MARCHF8: variants seen among roughly 807,000 people sequenced by gnomAD.
MARCHF8 encodes the protein membrane associated ring-CH-type finger 8.
A neutral mutation model predicts 51.6 loss-of-function variants in MARCHF8; 40 were observed. The observed-to-expected ratio is 0.77, with a 90% CI of 0.60 to 1.01. The LOEUF is 1.01. Among genes scored for constraint, MARCHF8 ranks in the 50% least tolerant of loss-of-function variants. The pLI is 0.00. For missense variants in MARCHF8, 685 were observed against 708.6 expected (o/e 0.97, Z 0.38); for synonymous variants, 263 against 280.3 (o/e 0.94, Z 0.62).
intron 2 of MARCHF8, among the ~76,000 whole-genome samples, chr10:45,528,653 G>GA (rs2043829877): frequency 6.6e-6 from 1 of 152,060 alleles, no homozygotes; most frequent in Admixed American, 6.6e-5. Flanking sequence ...TTGTGAGGAG[G>GA]AATCAGTAGC....
chr10:45,467,976 CA>C (rs924110105), intron 3 of MARCHF8, among the ~76,000 whole-genome samples: 32 of 147,086 alleles, frequency 2.2e-4, no homozygotes, highest in South Asian at 4.3e-4. Flanking sequence ...AATCTCACTA[CA>C]AAAAAAAAAA....
intron 1 of MARCHF8, among the ~76,000 whole-genome samples, chr10:45,565,534 G>A (rs1051515910): frequency 1.3e-5 from 2 of 151,690 alleles, no homozygotes; most frequent in African/African-American, 4.9e-5. Context: ...GAAGTGGTAT[G>A]TTAATTCTAA....
intron 2 of MARCHF8, among the ~76,000 whole-genome samples, chr10:45,519,674 C>T (rs143212402): frequency 5.4e-4 from 82 of 152,288 alleles, no homozygotes; most frequent in Non-Finnish European, 9.1e-4. Flanking sequence ...TTTTCTCCAA[C>T]CATTTAAAAA....
At chr10:45,498,418 C>T (rs778252920) in intron 2 of MARCHF8, among the ~76,000 whole-genome samples, 3 of 151,920 alleles carry the variant, frequency 2.0e-5, no homozygotes, top group South Asian at 2.1e-4. Flanking sequence ...TTTCTTTTTG[C>T]GATTAGCTCA....
intron 1 of MARCHF8, among the ~76,000 whole-genome samples, chr10:45,585,832 T>C (rs944884133): frequency 2.0e-5 from 3 of 152,176 alleles, no homozygotes; most frequent in Admixed American, 6.5e-5. Context: ...GATGTGTTCA[T>C]TGAAAGGAAT....
At chr10:45,502,694 G>A (rs1036324558) in intron 2 of MARCHF8, among the ~76,000 whole-genome samples, 1 of 152,032 alleles carries the variant, frequency 6.6e-6, no homozygotes, top group Non-Finnish European at 1.5e-5. Context: ...CTAAGTATGT[G>A]GTGAAAATAT....
intron 1 of MARCHF8, among the ~76,000 whole-genome samples, chr10:45,565,326 G>C (rs1378209541): frequency 6.6e-6 from 1 of 152,068 alleles, no homozygotes; most frequent in African/African-American, 2.4e-5. Context: ...AGCTACTTAG[G>C]AAACTGAGAT....
At chr10:45,503,564 T>TAAATA (rs1263489708) in intron 2 of MARCHF8, among the ~76,000 whole-genome samples, 6 of 149,986 alleles carry the variant, frequency 4.0e-5, no homozygotes, top group African/African-American at 1.2e-4. Flanking sequence ...AATAAATAAA[T>TAAATA]AAATAAAATA....
At chr10:45,557,860 T>C (rs904126569) in intron 1 of MARCHF8, among the ~76,000 whole-genome samples, 4 of 152,164 alleles carry the variant, frequency 2.6e-5, no homozygotes, top group African/African-American at 9.6e-5. Context: ...CACAGGTGCC[T>C]TAGGTCAGGT....
At chr10:45,546,611 A>T (rs1262390462) in intron 1 of MARCHF8, among the ~76,000 whole-genome samples, 1 of 151,836 alleles carries the variant, frequency 6.6e-6, no homozygotes, top group Non-Finnish European at 1.5e-5. Context: ...GTGAGACCCC[A>T]TCTCTCCTAA....
intron 1 of MARCHF8, among the ~76,000 whole-genome samples, chr10:45,588,606 T>C (rs2044643447): frequency 6.6e-6 from 1 of 152,230 alleles, no homozygotes; most frequent in Non-Finnish European, 1.5e-5. Context: ...ATTTTAGCCA[T>C]TTTAAGTATA....
intron 1 of MARCHF8, among the ~76,000 whole-genome samples, chr10:45,581,901 A>T (rs917050899): frequency 2.6e-5 from 4 of 152,104 alleles, no homozygotes; most frequent in African/African-American, 9.7e-5. Flanking sequence ...TTAAAGGAGT[A>T]ACATTTTCAA....
At chr10:45,462,707 C>G (rs1030273055) in intron 5 of MARCHF8, among the ~76,000 whole-genome samples, 5 of 151,584 alleles carry the variant, frequency 3.3e-5, no homozygotes, top group Admixed American at 6.6e-5. Flanking sequence ...CTCACTGCAA[C>G]CTCCGCCTCC....
Position 45,458,527 on chromosome 10 carries a change from G to A in MARCHF8, c.1434C>T (p.Pro478=). 6.3e-7 allele frequency: 1 copy of A among 1,592,176 alleles called. No homozygotes were observed. Among genetic ancestry groups the A allele is most frequent in the South Asian group, 1.2e-5 (1 of 86,778 alleles). Residue 478 remains proline (P), a synonymous_variant, in exon 8 of 8, where the codon CCC becomes CCT. Coordinates refer to ENST00000453424, the MANE Select transcript of MARCHF8 (RefSeq NM_001282866.2). ...QGQATGILEW[P]FWTKLVVVAI... is the part of the protein sequence containing the mutation. ...CCACAACCACCAATTTAGTCCAAAA[G>A]GGCCATTCTAGGATTCCTGGAAGGG...
At chr10:45,518,860 G>A (rs1296411985) in intron 2 of MARCHF8, among the ~76,000 whole-genome samples, 1 of 152,176 alleles carries the variant, frequency 6.6e-6, no homozygotes, top group East Asian at 1.9e-4. Flanking sequence ...CTCTTGGCCA[G>A]AATGGCTCTA....
rs79342495 is a variant in MARCHF8, at chr10:45,581,896, G to A, written c.-79+12339C>T. Among the ~76,000 whole-genome samples the A allele has an allele frequency of 1.6e-3, 235 of 150,536 alleles. 2 individuals carry two copies. In the East Asian group the frequency reaches 0.042, roughly 27 times the overall value. On this transcript the variant is annotated intron_variant, in intron 1 of 6. Transcript: ENST00000319836. ...CATCAAGAACTACACAAGACTTAAA[G>A]GAGTAACATTTTCAAAACTGAGAAC...
At chr10:45,538,228 G>A (rs528078769), upstream of MARCHF8, among the ~76,000 whole-genome samples, 3 of 152,324 alleles carry the variant, frequency 2.0e-5, no homozygotes, top group East Asian at 1.9e-4. Context: ...AGCTTTGTAA[G>A]TGAAGGAGAA....
upstream of MARCHF8, among the ~76,000 whole-genome samples, chr10:45,537,731 G>A (rs560873061): frequency 2.6e-5 from 4 of 152,092 alleles, no homozygotes; most frequent in East Asian, 7.7e-4. Context: ...GATGACAGTT[G>A]TATGGAATGC....
chr10:45,495,632 C>T (rs1200259588), intron 2 of MARCHF8, among the ~76,000 whole-genome samples: 1 of 151,830 alleles, frequency 6.6e-6, no homozygotes, highest in Non-Finnish European at 1.5e-5. Flanking sequence ...CAAGAGTAAA[C>T]GTACCATAAT....
Sources: gnomAD v4.1 joint callset for allele counts (sites outside exome capture counted in the v4.1 genomes callset) on GRCh38, gnomAD v4.1.1 for gene constraint, MANE v1.5 for transcripts, NCBI Gene and HGNC (gene_info 2026-07-23, HGNC 2026-07-21) for gene names.